The following SLC12A7 variants were observed in gnomAD, a reference collection of about 807,000 sequenced individuals.
The protein encoded by SLC12A7 is solute carrier family 12 member 7, also known as K-Cl cotransporter 4.
SLC12A7 carries 100 observed loss-of-function variants against 120.6 expected under a neutral mutation model. The ratio of observed to expected loss-of-function variants is 0.83; its 90% CI spans 0.71 to 0.98. SLC12A7 has a LOEUF of 0.98. Ranked by LOEUF, SLC12A7 falls within the 50% of genes least tolerant of loss-of-function variation. SLC12A7 has a pLI of 0.00. For synonymous variants in SLC12A7, 760 were observed against 678.0 expected (o/e 1.12, Z -1.88); for missense variants, 1,373 against 1,548.1 (o/e 0.89, Z 1.90).
chr5:1,113,362 C>T (rs1256293964), upstream of SLC12A7, among the ~76,000 whole-genome samples: 1 of 152,172 alleles, frequency 6.6e-6, no homozygotes, highest in Admixed American at 6.5e-5. Context: ...GTGGGATCAC[C>T]GGGCTCTGTG....
intron 22 of SLC12A7, among the ~76,000 whole-genome samples, chr5:1,054,991 G>A (rs369013947): frequency 2.0e-5 from 3 of 152,202 alleles, no homozygotes; most frequent in African/African-American, 7.2e-5. Context: ...GCACAGGGGG[G>A]TCGGAGTGGG....
chr5:1,099,681 G>A (rs774448315), intron 1 of SLC12A7, among the ~76,000 whole-genome samples: 6 of 152,224 alleles, frequency 3.9e-5, no homozygotes, highest in Non-Finnish European at 8.8e-5. Context: ...CAGAAGCCCT[G>A]TAAAGGCCGG....
intron 1 of SLC12A7, 34 bp downstream of exon 1, chr5:1,111,834 C>A (rs189175327): frequency 4.9e-5 from 59 of 1,199,142 alleles, no homozygotes; most frequent in South Asian, 8.3e-5. Context: ...TCGGGGCGCT[C>A]GGCCTTTGTC....
intron 23 of SLC12A7, among the ~76,000 whole-genome samples, chr5:1,052,900 C>G (rs977781579): frequency 2.6e-5 from 4 of 152,246 alleles, no homozygotes; most frequent in African/African-American, 9.6e-5. Flanking sequence ...CGCCCAGATG[C>G]ACTGCGGAGT....
At chr5:1,065,567 C>G in intron 17 of SLC12A7, 89 bp from the exon 18 acceptor site, 1 of 1,155,914 alleles carries the variant, frequency 8.7e-7, no homozygotes, top group Middle Eastern at 2.7e-4. Flanking sequence ...GCACCCGCAC[C>G]ACCTCCCCTG....
In SLC12A7 at chr5:1,073,708, C is replaced by G; in HGVS notation, c.2166G>C (p.Lys722Asn). 1.3e-6 allele frequency: 2 copies of G among 1,580,116 alleles called. No individual in the cohort carries two copies. Among genetic ancestry groups the G allele is most frequent in the Non-Finnish European group, 1.7e-6 (2 of 1,160,534 alleles). Residue 722 changes from lysine (K) to asparagine (N), a missense_variant, in exon 17 of 24, where the codon AAG becomes AAC. Physicochemically the swap from Lys to Asn is moderately conservative, Grantham distance 94. Transcript: ENST00000264930. ...LSFTSQLKAG[K>N]GLTIVGSVLE... ...GCACCGAGCCCACGATGGTCAGGCC[C>G]TTGCCGGCCTTCAGCTGCGACGTGA...
At chr5:1,150,376 T>A in the SLC12A7 span, among the ~76,000 whole-genome samples, 482 of 142,092 alleles carry the variant, frequency 3.4e-3, 2 homozygotes, top group Admixed American at 5.6e-3. Context: ...GGCACAGGCC[T>A]CGACCAGAGG....
At chr5:1,114,489 TG>T (rs1743237416), upstream of SLC12A7, among the ~76,000 whole-genome samples, 1 of 152,134 alleles carries the variant, frequency 6.6e-6, no homozygotes, top group African/African-American at 2.4e-5. Flanking sequence ...CTTCGCTCTG[TG>T]GGTTTCCGTG....
the SLC12A7 span, among the ~76,000 whole-genome samples, chr5:1,121,840 G>A: frequency 1.1e-4 from 17 of 152,190 alleles, no homozygotes; most frequent in Non-Finnish European, 2.4e-4. Context: ...AGGAGGGGCT[G>A]TCCTGTCTTC....
chr5:1,064,371 G>A (rs1736691277), intron 18 of SLC12A7, 119 bp from the exon 19 acceptor site: 7 of 1,142,146 alleles, frequency 6.1e-6, no homozygotes, highest in African/African-American at 1.6e-5. Flanking sequence ...TCCCCACAAA[G>A]CCCCCACCCT....
chr5:1,055,155 GAC>G (rs145987070), intron 22 of SLC12A7, among the ~76,000 whole-genome samples: 4,213 of 152,214 alleles, frequency 0.028, 90 homozygotes, highest in Non-Finnish European at 0.037. Context: ...CATACATGCA[GAC>G]ACACTGATGT....
At chr5:1,067,246 G>A (rs1025013092) in intron 17 of SLC12A7, among the ~76,000 whole-genome samples, 6 of 152,196 alleles carry the variant, frequency 3.9e-5, no homozygotes, top group African/African-American at 1.2e-4. Flanking sequence ...GCCTGAACAC[G>A]TTACCCCCAA....
chr5:1,069,719 G>GGTGACGTGAC (rs532004609), intron 17 of SLC12A7, among the ~76,000 whole-genome samples: 5 of 152,122 alleles, frequency 3.3e-5, no homozygotes, highest in East Asian at 1.9e-4. Context: ...AGTAACTCCA[G>GGTGACGTGAC]GTGACGTGAC....
intron 9 of SLC12A7, among the ~76,000 whole-genome samples, chr5:1,081,314 C>A (rs891091007): frequency 5.3e-5 from 8 of 152,106 alleles, no homozygotes; most frequent in African/African-American, 1.9e-4. Context: ...CAGACATTAA[C>A]CGGGCGTGGT....
chr5:1,131,589 C>A, the SLC12A7 span, among the ~76,000 whole-genome samples: 1 of 152,204 alleles, frequency 6.6e-6, no homozygotes, highest in African/African-American at 2.4e-5. Flanking sequence ...GTGTTGGGGG[C>A]CTCACCTGAC....
Position 1,083,918 on chromosome 5 carries a change from C to G in SLC12A7, c.956G>C (p.Ser319Thr), listed in dbSNP as rs1347290706. 2 of 1,606,438 alleles carry G rather than the reference C, an allele frequency of 1.2e-6. No homozygotes were observed. The highest frequency in any genetic ancestry group is 4.5e-5 in the East Asian group (2 of 44,884). The change falls in exon 8 of 24, where the codon AGC (serine) becomes ACC (threonine). Residue 319 changes from serine (S) to threonine (T), a missense_variant. Coordinates refer to ENST00000264930, the MANE Select transcript of SLC12A7 (RefSeq NM_006598.3). ...GTAGGCCTTGACGCAGGCATCGAAG[C>G]TGCGCCGTGACAGCGTGCGGTTCCC... ...LLGNRTLSRR[S>T]FDACVKAYGI...
intron 5 of SLC12A7, 86 bp from the exon 6 acceptor site, chr5:1,087,119 A>G: frequency 6.8e-7 from 1 of 1,471,172 alleles, no homozygotes; most frequent in Non-Finnish European, 9.1e-7. Context: ...TTCACGGGCA[A>G]AGGAGGGCCT....
At position 1,065,313 on chromosome 5, in the gene SLC12A7, C is replaced by T. The variant is rs757987935; in HGVS notation, c.2407G>A (p.Asp803Asn). ...AAGTTCTTCCAGGAGAAGGGGTTGT[C>T]CTCCTGCTTCCAGGATGCGGGCCAG... ...MAWPASWKQE[D>N]NPFSWKNFVD... Residue 803 changes from aspartate to asparagine, a missense_variant, in exon 18 of 24, where the codon GAC becomes AAC. Asp to Asn is a conservative substitution (Grantham distance 23). Transcript: ENST00000264930. The T allele has an allele frequency of 1.9e-6, 3 of 1,582,326 alleles. No individual in the cohort carries two copies. Among genetic ancestry groups the T allele is most frequent in the South Asian group, 2.3e-5 (2 of 87,240 alleles).
At chr5:1,078,089 AG>A in intron 11 of SLC12A7, 82 bp from the exon 12 acceptor site, 1 of 1,461,758 alleles carries the variant, frequency 6.8e-7, no homozygotes, top group Non-Finnish European at 9.1e-7. Flanking sequence ...ACCCAGAGCG[AG>A]GGGCCCAGTG....
Sources: gnomAD v4.1 joint callset for allele counts (sites outside exome capture counted in the v4.1 genomes callset) on GRCh38, gnomAD v4.1.1 for gene constraint, MANE v1.5 for transcripts, NCBI Gene and HGNC (gene_info 2026-07-23, HGNC 2026-07-21) for gene names.